The following GABRA5 variants were observed in gnomAD, a reference collection of about 807,000 sequenced individuals.
GABRA5 encodes gamma-aminobutyric acid receptor subunit alpha-5.
In GABRA5, 18 loss-of-function variants were observed where a neutral mutation model predicts 47.3. That is an observed-to-expected ratio of 0.38 (90% CI 0.26 to 0.56). The LOEUF (loss-of-function observed/expected upper bound fraction) is 0.56, where lower values mean the gene tolerates loss of function less well. GABRA5 is among the 20% of genes least tolerant of loss of function. GABRA5 has a pLI of 0.71. For missense variants in GABRA5, 365 were observed against 599.3 expected (o/e 0.61, Z 4.08); for synonymous variants, 237 against 229.3 (o/e 1.03, Z -0.30).
intron 6 of GABRA5, among the ~76,000 whole-genome samples, chr15:26,897,343 C>T (rs1413484147): frequency 6.6e-6 from 1 of 152,138 alleles, no homozygotes; most frequent in Admixed American, 6.5e-5. Context: ...CGGGCACCCA[C>T]AGAAGGAAGA....
At chr15:26,931,269 A>G (rs1202844925) in intron 7 of GABRA5, among the ~76,000 whole-genome samples, 2 of 152,146 alleles carry the variant, frequency 1.3e-5, no homozygotes, top group Admixed American at 6.5e-5. Context: ...CATACATAAC[A>G]GGAATGTATT....
At chr15:26,871,613 C>A (rs1312998423) in intron 3 of GABRA5, among the ~76,000 whole-genome samples, 1 of 152,188 alleles carries the variant, frequency 6.6e-6, no homozygotes, top group Non-Finnish European at 1.5e-5. Context: ...CACCCAGAGA[C>A]AACCATGCTT....
intron 3 of GABRA5, among the ~76,000 whole-genome samples, chr15:26,874,409 A>C (rs1002859888): frequency 6.6e-6 from 1 of 152,192 alleles, no homozygotes; most frequent in Non-Finnish European, 1.5e-5. Flanking sequence ...AAGTGTGTCC[A>C]AGTTTTACCA....
At chr15:26,872,239 C>T (rs555588912) in intron 3 of GABRA5, among the ~76,000 whole-genome samples, 1 of 152,202 alleles carries the variant, frequency 6.6e-6, no homozygotes, top group Non-Finnish European at 1.5e-5. Context: ...GCTACCACAA[C>T]GTGGAGCACC....
intron 3 of GABRA5, among the ~76,000 whole-genome samples, chr15:26,870,035 C>T (rs766576107): frequency 5.3e-5 from 8 of 152,162 alleles, no homozygotes; most frequent in Non-Finnish European, 7.3e-5. Context: ...TGTTCTGACC[C>T]GTGCCCTAGA....
chr15:26,877,821 A>G (rs539176582), intron 3 of GABRA5: 2 of 352,432 alleles, frequency 5.7e-6, no homozygotes, highest in African/African-American at 4.3e-5. Context: ...ATTAACCCAG[A>G]CTAAAATTGA....
chr15:26,882,845 G>A (rs961354049), intron 4 of GABRA5, among the ~76,000 whole-genome samples: 4 of 152,294 alleles, frequency 2.6e-5, no homozygotes, highest in African/African-American at 9.6e-5. Flanking sequence ...TTACAGAGGA[G>A]GAAATGGAAG....
At chr15:26,887,832 G>A (rs928624495) in intron 6 of GABRA5, among the ~76,000 whole-genome samples, 14 of 152,032 alleles carry the variant, frequency 9.2e-5, no homozygotes, top group African/African-American at 3.4e-4. Context: ...AGACTGATAC[G>A]TGTATTCAGT....
At position 26,883,591 on chromosome 15, in the gene GABRA5, G is replaced by A. The variant is rs1159024814; in HGVS notation, c.497+34G>A. ...CGGGCGGGGGCGGGCGGGGCCGGGG[G>A]ACGGTGCGGGGCAGGCGCGGCTGCC... On this transcript the variant is annotated intron_variant, in intron 6 of 10. Coordinates refer to ENST00000335625, the MANE Select transcript of GABRA5 (RefSeq NM_000810.4). The surrounding 1 kb of genome is among the most constrained non-coding windows in gnomAD (Gnocchi z 4.8). 2.8e-6 allele frequency: 4 copies of A among 1,454,464 alleles called. No individual in the cohort carries two copies. The highest frequency in any genetic ancestry group is 2.5e-5 in the East Asian group (1 of 39,986). 90.1% of individuals were successfully genotyped at this position (1,454,464 alleles called of 1,614,324 possible).
chr15:26,921,476 G>A (rs1893841225), intron 7 of GABRA5, among the ~76,000 whole-genome samples: 1 of 152,076 alleles, frequency 6.6e-6, no homozygotes, highest in Admixed American at 6.6e-5. Flanking sequence ...TCTGACGTTG[G>A]TAATTTGTGT....
chr15:26,891,720 C>G (rs1893010967), intron 6 of GABRA5, among the ~76,000 whole-genome samples: 1 of 152,190 alleles, frequency 6.6e-6, no homozygotes, highest in Non-Finnish European at 1.5e-5. Context: ...AGGGAGGCTG[C>G]GCTCAGCCTC....
intron 6 of GABRA5, among the ~76,000 whole-genome samples, chr15:26,886,181 G>A (rs769532930): frequency 1.3e-4 from 19 of 151,814 alleles, no homozygotes; most frequent in South Asian, 4.2e-4. Flanking sequence ...CACCACACCC[G>A]GCTGATTTTT....
At chr15:26,882,669 C>T (rs765198577) in intron 4 of GABRA5, among the ~76,000 whole-genome samples, 10 of 152,184 alleles carry the variant, frequency 6.6e-5, no homozygotes, top group Non-Finnish European at 1.3e-4. Flanking sequence ...TGTCTCAGGG[C>T]GCACTGGGCA....
chr15:26,906,209 A>G (rs1423114594), intron 6 of GABRA5, among the ~76,000 whole-genome samples: 1 of 151,996 alleles, frequency 6.6e-6, no homozygotes, highest in Admixed American at 6.6e-5. Context: ...TGAAATCTGT[A>G]TTGTTTGTTC....
chr15:26,883,647 T>G lies in GABRA5; in HGVS notation c.497+90T>G. On this transcript the variant is annotated intron_variant, in intron 6 of 10. Coordinates refer to ENST00000335625, the MANE Select transcript of GABRA5 (RefSeq NM_000810.4). The surrounding 1 kb of genome is among the most constrained non-coding windows in gnomAD (Gnocchi z 4.8). ...TGCCGCAAGAGCTGCGCCGCGGAGC[T>G]GTTCTGACCATAGGTCTGAGACTGC... is the stretch of plus-strand genomic sequence containing the variant. The G allele has an allele frequency of 9.4e-7, 1 of 1,059,784 alleles. No homozygotes were observed. The highest frequency in any genetic ancestry group is 1.3e-6 in the Non-Finnish European group (1 of 759,620). The allele number at this position is 1,059,784 out of a possible 1,614,324, so 65.6% of individuals were successfully genotyped here. A position where few individuals can be genotyped will look rare whatever the true frequency, so the allele number is the denominator to read the frequency against.
At chr15:26,941,771 T>C (rs1179541508) in intron 9 of GABRA5, among the ~76,000 whole-genome samples, 3 of 152,188 alleles carry the variant, frequency 2.0e-5, no homozygotes, top group Non-Finnish European at 2.9e-5. Context: ...CTTTAGCTCA[T>C]GGCAGCATCA....
chr15:26,916,005 A>G (rs531459335), intron 7 of GABRA5, among the ~76,000 whole-genome samples: 1 of 152,306 alleles, frequency 6.6e-6, no homozygotes, highest in South Asian at 2.1e-4. Flanking sequence ...ATGTCTCATC[A>G]CTATAAATCA....
Position 26,914,242 on chromosome 15 carries a change from A to AT in GABRA5, c.498-559dup, listed in dbSNP as rs34863075. 0.01 allele frequency among the ~76,000 whole-genome samples: 1,590 copies of AT among 152,286 alleles called. 110 individuals carry two copies. The East Asian group carries it at 0.19, about 18-fold the overall frequency. ...TTACTATACAGTTTCATATTGGCCC[A>AT]TTACACAATGGTTATAGCCAGGTTC... On this transcript the variant is annotated intron_variant, in intron 6 of 10. Coordinates refer to ENST00000335625, the MANE Select transcript of GABRA5 (RefSeq NM_000810.4).
intron 7 of GABRA5, among the ~76,000 whole-genome samples, chr15:26,918,858 T>C: frequency 6.6e-6 from 1 of 152,180 alleles, no homozygotes; most frequent in East Asian, 1.9e-4. Context: ...ACTGTGAGTT[T>C]CTTGTAGATA....
Sources: gnomAD v4.1 joint callset for allele counts (sites outside exome capture counted in the v4.1 genomes callset) on GRCh38, gnomAD v4.1.1 for gene constraint, Gnocchi (gnomAD v3.1) non-coding constraint, MANE v1.5 for transcripts, NCBI Gene and HGNC (gene_info 2026-07-23, HGNC 2026-07-21) for gene names.